Variants in TMPRSS15 observed in about 807,000 individuals in gnomAD.
The protein encoded by TMPRSS15 is enteropeptidase.
TMPRSS15 carries 128 observed loss-of-function variants against 125.3 expected under a neutral mutation model. The ratio of observed to expected loss-of-function variants is 1.02; its 90% confidence interval spans 0.89 to 1.18. The LOEUF (loss-of-function observed/expected upper bound fraction) is 1.18, where lower values mean the gene tolerates loss of function less well. TMPRSS15 is among the 50% of genes most tolerant of loss of function. TMPRSS15 has a pLI of 0.00. For missense variants in TMPRSS15, 1,283 were observed against 1,212.7 expected, an observed-to-expected ratio of 1.06 and a Z score of -0.86; for synonymous variants, 446 against 423.2, an observed-to-expected ratio of 1.05 and a Z score of -0.66.
At chr21:18,385,570 A>G (rs1281744878) in intron 3 of TMPRSS15, among the ~76,000 whole-genome samples, 1 of 152,198 alleles carries the variant, frequency 6.6e-6, no homozygotes, top group Admixed American at 6.5e-5. Flanking sequence ...TTAGGTCTAC[A>G]TAATTTGCTG....
At chr21:18,413,312 T>TTTCTTTCCGTCC (rs1555911458) in intron 1 of TMPRSS15, among the ~76,000 whole-genome samples, 2 of 94,798 alleles carry the variant, frequency 2.1e-5, no homozygotes, top group Non-Finnish European at 4.3e-5. Flanking sequence ...TTTTCTTTCT[T>TTTCTTTCCGTCC]TTCCTTCCTT....
At chr21:18,323,386 G>C (rs1286155131) in intron 16 of TMPRSS15, among the ~76,000 whole-genome samples, 1 of 152,210 alleles carries the variant, frequency 6.6e-6, no homozygotes, top group African/African-American at 2.4e-5. Flanking sequence ...GCAGGCAAGA[G>C]AGAGCATGTG....
chr21:18,464,155 A>G (rs1158314256), intron 1 of TMPRSS15, among the ~76,000 whole-genome samples: 57 of 144,570 alleles, frequency 3.9e-4, no homozygotes, highest in African/African-American at 1.4e-3. Flanking sequence ...CCTGGGTGAC[A>G]GAGTGAGACT....
rs2075716193 is a variant in TMPRSS15 at position 18,365,265 on chromosome 21, A to G, written c.665-17T>C. ...AAACTGTGGCTGCAAAACGATGCCA[A>G]TTAATGTTAGACAAAAACAATCTTG... On this transcript the variant is annotated splice_polypyrimidine_tract_variant and intron_variant, in intron 6 of 24. Coordinates refer to ENST00000284885, the MANE Select transcript of TMPRSS15 (RefSeq NM_002772.3). The G allele has an allele frequency of 1.1e-5, 18 of 1,591,784 alleles. No homozygotes were observed. The highest frequency in any genetic ancestry group is 1.6e-5 in the Non-Finnish European group (18 of 1,159,728).
chr21:18,331,282 T>C (rs979942362), intron 14 of TMPRSS15, among the ~76,000 whole-genome samples: 19 of 152,126 alleles, frequency 1.2e-4, no homozygotes, highest in African/African-American at 4.1e-4. Flanking sequence ...GACACATTTT[T>C]CCCACCACTG....
At chr21:18,450,263 A>G (rs949100591) in intron 1 of TMPRSS15, among the ~76,000 whole-genome samples, 1 of 151,196 alleles carries the variant, frequency 6.6e-6, no homozygotes, top group African/African-American at 2.4e-5. Context: ...ATTGTTTTAC[A>G]TGTTTTTTTT....
intron 14 of TMPRSS15, among the ~76,000 whole-genome samples, chr21:18,329,718 ATATT>A (rs2075326256): frequency 1.3e-5 from 2 of 151,708 alleles, no homozygotes; most frequent in South Asian, 4.2e-4. Context: ...GTAAGCTTTA[ATATT>A]TATTTTAAAA....
intron 1 of TMPRSS15, among the ~76,000 whole-genome samples, 199 bp downstream of exon 1, chr21:18,403,279 T>TC (rs1491114873): frequency 6.6e-6 from 1 of 152,222 alleles, no homozygotes; most frequent in Non-Finnish European, 1.5e-5. Context: ...TTTCCTAATA[T>TC]TCTCTGAAGG....
At chr21:18,341,602 A>T in intron 12 of TMPRSS15, 54 bp from the exon 13 acceptor site, 1 of 1,595,082 alleles carries the variant, frequency 6.3e-7, no homozygotes, top group South Asian at 1.1e-5. Flanking sequence ...ATCTTCTCTG[A>T]CTTGATTCTT....
intron 1 of TMPRSS15, among the ~76,000 whole-genome samples, chr21:18,465,028 C>T (rs2122955111): frequency 1.8e-4 from 28 of 152,090 alleles, no homozygotes; most frequent in South Asian, 1.0e-3. Flanking sequence ...ACAGGCAAAA[C>T]GAATACAGCA....
chr21:18,466,575 AC>A (rs1246383879), intron 1 of TMPRSS15, among the ~76,000 whole-genome samples: 9 of 152,208 alleles, frequency 5.9e-5, no homozygotes, highest in African/African-American at 2.2e-4. Context: ...CAAGAAAAAA[AC>A]AACCCCATCA....
intron 18 of TMPRSS15, among the ~76,000 whole-genome samples, chr21:18,311,252 A>C (rs2075098739): frequency 6.6e-6 from 1 of 152,160 alleles, no homozygotes; most frequent in Non-Finnish European, 1.5e-5. Flanking sequence ...CATCACGCTA[A>C]AAAGCTTCTA....
intron 6 of TMPRSS15, 79 bp from the exon 7 acceptor site, chr21:18,365,327 T>C (rs926930325): frequency 9.0e-7 from 1 of 1,112,452 alleles, no homozygotes. Context: ...CACAGAATAT[T>C]CATGGCAAAA....
rs572259790 is a variant in TMPRSS15, at chr21:18,294,130, A to G, written c.2486+140T>C. The stretch of plus-strand genomic sequence containing the variant: ...TTTTCATACATGACATTAATGGGAA[A>G]ATAATTGGAATGTTTATAATGTCAT... On this transcript the variant is annotated intron_variant, in intron 21 of 24. Transcript: ENST00000284885. The G allele has an allele frequency of 9.7e-5, 98 of 1,008,390 alleles. No individual in the cohort carries two copies. The East Asian group carries it at 2.4e-3, about 25-fold the overall frequency. The allele number at this position is 1,008,390 out of a possible 1,614,324, so 62.5% of individuals were successfully genotyped here.
At chr21:18,443,644 C>T (rs952793085) in intron 1 of TMPRSS15, among the ~76,000 whole-genome samples, 2 of 152,206 alleles carry the variant, frequency 1.3e-5, no homozygotes, top group East Asian at 3.8e-4. Context: ...GTGGTGCCAA[C>T]AATAAGATTG....
chr21:18,326,878 ATGAC>A (rs1601338809), intron 15 of TMPRSS15, among the ~76,000 whole-genome samples: 2 of 152,208 alleles, frequency 1.3e-5, no homozygotes, highest in African/African-American at 4.8e-5. Context: ...TCCCAGACAA[ATGAC>A]TGACTACTTA....
chr21:18,309,149 T>A (rs1601312337), intron 18 of TMPRSS15, among the ~76,000 whole-genome samples: 1 of 152,138 alleles, frequency 6.6e-6, no homozygotes, highest in African/African-American at 2.4e-5. Context: ...CTGGTCTAGA[T>A]CCTTGAGGAA....
At chr21:18,459,062 G>T (rs1978498449) in intron 1 of TMPRSS15, among the ~76,000 whole-genome samples, 1 of 152,088 alleles carries the variant, frequency 6.6e-6, no homozygotes, top group South Asian at 2.1e-4. Context: ...TTGTGCTTTT[G>T]TATATGTATA....
intron 18 of TMPRSS15, among the ~76,000 whole-genome samples, chr21:18,310,830 TA>T (rs2075092915): frequency 6.6e-6 from 1 of 151,654 alleles, no homozygotes; most frequent in East Asian, 1.9e-4. Flanking sequence ...AAAATTATAG[TA>T]ACCAAGATAA....
Sources: gnomAD v4.1 joint callset for allele counts (sites outside exome capture counted in the v4.1 genomes callset) on GRCh38, gnomAD v4.1.1 for gene constraint, MANE v1.5 for transcripts, NCBI Gene and HGNC (gene_info 2026-07-23, HGNC 2026-07-21) for gene names.